The following AAK1 variants were observed in gnomAD, a reference collection of about 807,000 sequenced individuals.
AAK1 encodes AP2 associated kinase 1, also known as AP2-associated protein kinase 1.
In AAK1, 37 loss-of-function variants were observed where a neutral mutation model predicts 116.0. The ratio of observed to expected loss-of-function variants is 0.32; its 90% confidence interval spans 0.25 to 0.42. AAK1 has a LOEUF of 0.42. AAK1 is among the 10% of genes least tolerant of loss of function. The pLI, the probability that AAK1 is intolerant of heterozygous loss-of-function variation, is 1.00. For missense variants in AAK1, 919 were observed against 1,170.6 expected (o/e 0.79, Z 3.14); for synonymous variants, 458 against 439.9 (o/e 1.04, Z -0.51).
chr2:69,637,083 G>A (rs1356073205), intron 2 of AAK1, among the ~76,000 whole-genome samples: 1 of 152,140 alleles, frequency 6.6e-6, no homozygotes, highest in Non-Finnish European at 1.5e-5. Flanking sequence ...GTAGATTATC[G>A]CTATCTCAAA....
chr2:69,583,870 C>T (rs1443709746), intron 2 of AAK1, among the ~76,000 whole-genome samples: 5 of 152,036 alleles, frequency 3.3e-5, no homozygotes, highest in Non-Finnish European at 1.5e-5. Flanking sequence ...ATCCACAGCA[C>T]AAAATGTCCA....
intron 6 of AAK1, chr2:69,531,687 G>A: frequency 3.9e-6 from 4 of 1,017,618 alleles, no homozygotes; most frequent in Non-Finnish European, 4.7e-6. Context: ...GACTGATAAT[G>A]TCATGGTTGT....
intron 11 of AAK1, chr2:69,520,118 CA>C: frequency 4.3e-6 from 1 of 233,984 alleles, no homozygotes; most frequent in South Asian, 7.7e-5. Flanking sequence ...TTCAATGTCC[CA>C]AAGTTTAATT....
Position 69,540,428 on chromosome 2 carries a change from T to C in AAK1, c.534+2095A>G, listed in dbSNP as rs538745250. Among the ~76,000 whole-genome samples, 119 of 152,272 alleles carry C rather than the reference T, an allele frequency of 7.8e-4. 1 individual carries two copies. The highest frequency in any genetic ancestry group is 1.5e-3 in the Non-Finnish European group (104 of 68,032). The stretch of plus-strand genomic sequence containing the variant: ...GAGCCACCACGCCCGGCCACATTCC[T>C]CTATTTCTACTTAGAAAAAAAGGGC... On this transcript the variant is annotated intron_variant, in intron 5 of 21. Coordinates refer to ENST00000409085, the MANE Select transcript of AAK1 (RefSeq NM_014911.5).
chr2:69,549,370 AAAAT>A (rs1194579707), intron 3 of AAK1, among the ~76,000 whole-genome samples: 1 of 152,198 alleles, frequency 6.6e-6, no homozygotes, highest in Non-Finnish European at 1.5e-5. Context: ...CTCAGTCTCA[AAAAT>A]AAATAAATAA....
Position 69,470,872 on chromosome 2 carries a change from G to A in AAK1, c.*4997C>T. The A allele has an allele frequency of 1.0e-6, 1 of 985,812 alleles. No homozygotes were observed. The highest frequency in any genetic ancestry group is 1.7e-5 in the African/African-American group (1 of 57,332). The allele number at this position is 985,812 out of a possible 1,614,324, so 61.1% of individuals were successfully genotyped here. On this transcript the variant is annotated 3_prime_UTR_variant, in exon 22 of 22. Coordinates refer to ENST00000409085, the MANE Select transcript of AAK1 (RefSeq NM_014911.5). ...GCAAAAAAGTGGGTTTTCAGCTCAGGAAAAGAGCAACTTATTTTAAGTTAT... is the reference window on the plus strand; with the variant it reads ...GCAAAAAAGTGGGTTTTCAGCTCAGAAAAAGAGCAACTTATTTTAAGTTAT...
intron 2 of AAK1, among the ~76,000 whole-genome samples, chr2:69,600,324 G>A (rs13035491): frequency 0.27 from 39,696 of 144,814 alleles, 5,899 homozygotes; most frequent in East Asian, 0.57. Flanking sequence ...CAATCAGTTT[G>A]TGAATAAAGA....
At chr2:69,619,579 T>C (rs1674494915) in intron 2 of AAK1, among the ~76,000 whole-genome samples, 1 of 152,012 alleles carries the variant, frequency 6.6e-6, no homozygotes, top group Non-Finnish European at 1.5e-5. Flanking sequence ...GGAGAGACAA[T>C]ACACAAACAA....
At chr2:69,532,230 A>G (rs1324245295) in intron 5 of AAK1, 68 bp from the exon 6 acceptor site, 1 of 1,580,774 alleles carries the variant, frequency 6.3e-7, no homozygotes, top group Non-Finnish European at 8.7e-7. Context: ...ATTTGGTTTC[A>G]CAGTCACATA....
At position 69,474,966 on chromosome 2, in the gene AAK1, ATCCTC is replaced by A; in HGVS notation, c.*898_*902del. 1 of 133,822 alleles carries A rather than the reference ATCCTC, an allele frequency of 7.5e-6. No homozygotes were observed. The highest frequency in any genetic ancestry group is 1.0e-5 in the Non-Finnish European group (1 of 99,716). The allele number at this position is 133,822 out of a possible 1,614,324, so 8.3% of individuals were successfully genotyped here. On this transcript the variant is annotated 3_prime_UTR_variant, in exon 22 of 22. Coordinates refer to ENST00000409085, the MANE Select transcript of AAK1 (RefSeq NM_014911.5). ...TCTGCTACAATTCCTTCCCCTCCCC[ATCCTC>A]CCCCCACCCCCGCCCCAGTGAAAAG...
chr2:69,622,935 G>C (rs1674721340), intron 2 of AAK1, among the ~76,000 whole-genome samples: 1 of 152,028 alleles, frequency 6.6e-6, no homozygotes, highest in South Asian at 2.1e-4. Flanking sequence ...AGACCAATCG[G>C]CTCTCTGTAA....
intron 16 of AAK1, chr2:69,500,416 T>C (rs1385001874): frequency 2.0e-5 from 3 of 151,862 alleles, no homozygotes; most frequent in Non-Finnish European, 4.4e-5. Context: ...TGCTGGTTTA[T>C]GAGATTCCTG....
At chr2:69,520,673 A>C (rs1213840549) in intron 11 of AAK1, among the ~76,000 whole-genome samples, 161 bp downstream of exon 11, 1 of 152,196 alleles carries the variant, frequency 6.6e-6, no homozygotes, top group Non-Finnish European at 1.5e-5. Flanking sequence ...GGCCACTGCC[A>C]TACAATTTCA....
intron 2 of AAK1, among the ~76,000 whole-genome samples, chr2:69,614,340 C>T (rs551459048): frequency 3.0e-4 from 46 of 152,286 alleles, no homozygotes; most frequent in African/African-American, 1.1e-3. Flanking sequence ...TGGAGTCACA[C>T]AGGGACAGGT....
In AAK1 at chr2:69,469,484, A is replaced by C. The variant is rs768944403; in HGVS notation, c.*6385T>G. The stretch of plus-strand genomic sequence containing the variant: ...ATGAAGGTAGCATTGTGTCAACAAG[A>C]AAACGTGTTTGAAGCAGTCTCTTTA... On this transcript the variant is annotated 3_prime_UTR_variant, in exon 22 of 22. Coordinates refer to ENST00000409085, the MANE Select transcript of AAK1 (RefSeq NM_014911.5). The C allele has an allele frequency of 1.0e-6, 1 of 985,478 alleles. No individual in the cohort carries two copies. Among genetic ancestry groups the C allele is most frequent in the Non-Finnish European group, 1.2e-6 (1 of 829,938 alleles). 61.0% of individuals were successfully genotyped at this position (985,478 alleles called of 1,614,324 possible).
intron 4 of AAK1, among the ~76,000 whole-genome samples, chr2:69,543,697 C>T (rs911561924): frequency 8.5e-5 from 13 of 152,176 alleles, no homozygotes; most frequent in Admixed American, 4.6e-4. Flanking sequence ...TGAGCCACCG[C>T]GCCCGGCCTA....
chr2:69,634,200 A>G (rs553150212), intron 2 of AAK1, among the ~76,000 whole-genome samples: 2 of 152,286 alleles, frequency 1.3e-5, no homozygotes, highest in South Asian at 4.1e-4. Flanking sequence ...TGTTATGAGA[A>G]AAGATACTGA....
intron 17 of AAK1, among the ~76,000 whole-genome samples, chr2:69,483,879 G>C (rs1001876739): frequency 6.6e-6 from 1 of 152,100 alleles, no homozygotes; most frequent in Non-Finnish European, 1.5e-5. Flanking sequence ...GTGCACATTT[G>C]GATTCCTTCC....
chr2:69,505,740 G>C (rs913577381), intron 15 of AAK1, 67 bp from the exon 16 acceptor site: 2 of 1,236,292 alleles, frequency 1.6e-6, no homozygotes, highest in African/African-American at 3.0e-5. Context: ...ACATGGCAGA[G>C]GTAAGGGGCA....
Sources: allele counts gnomAD v4.1 joint callset (sites outside exome capture counted in the v4.1 genomes callset), GRCh38; gene constraint gnomAD v4.1.1; transcripts MANE v1.5; gene names NCBI Gene and HGNC (gene_info 2026-07-23, HGNC 2026-07-21).